The following SNX14 variants were observed in gnomAD, a reference collection of about 807,000 sequenced individuals.
SNX14 encodes the protein sorting nexin 14.
In SNX14, 93 loss-of-function variants were observed where a neutral mutation model predicts 133.8. The observed-to-expected ratio is 0.70, with a 90% confidence interval of 0.59 to 0.83. The LOEUF (loss-of-function observed/expected upper bound fraction) is 0.83, where lower values mean the gene tolerates loss of function less well. SNX14 is among the 40% of genes least tolerant of loss of function. SNX14 has a pLI of 0.00. For missense variants in SNX14, 945 were observed against 1,094.9 expected (o/e 0.86, Z 1.93); for synonymous variants, 368 against 365.6 (o/e 1.01, Z -0.07).
At chr6:85,508,142 CCT>C (rs1562166011) in intron 26 of SNX14, 83 bp from the exon 27 acceptor site, 2 of 1,501,546 alleles carry the variant, frequency 1.3e-6, no homozygotes, top group African/African-American at 1.4e-5. Flanking sequence ...AAATCACCAC[CCT>C]GTTTCCCAGA....
At chr6:85,529,894 G>A (rs1236220632) in intron 19 of SNX14, among the ~76,000 whole-genome samples, 1 of 151,726 alleles carries the variant, frequency 6.6e-6, no homozygotes, top group Non-Finnish European at 1.5e-5. Flanking sequence ...TGATGAGACA[G>A]GAAGAACGAA....
intron 1 of SNX14, chr6:85,588,876 T>C (rs777579608): frequency 2.2e-6 from 1 of 454,950 alleles, no homozygotes. Flanking sequence ...TAAGTGGAAG[T>C]GGATTATCAC....
intron 1 of SNX14, chr6:85,581,710 G>A (rs1329401326): frequency 6.6e-6 from 1 of 152,142 alleles, no homozygotes; most frequent in Non-Finnish European, 1.5e-5. Context: ...CTGACATATA[G>A]AAGAATGCAT....
Position 85,514,109 on chromosome 6 carries a change from G to C in SNX14, c.2518C>G (p.Gln840Glu). 6.2e-7 allele frequency: 1 copy of C among 1,613,676 alleles called. No homozygotes were observed. Among genetic ancestry groups the C allele is most frequent in the Non-Finnish European group, 8.5e-7 (1 of 1,179,866 alleles). Residue 840 changes from glutamine (Q) to glutamate (E), a missense_variant, in exon 25 of 29, where the codon CAG (glutamine) becomes GAG (glutamate). By Grantham distance (29) the Gln-to-Glu change is conservative. Around this residue, in one of 3 missense-constraint regions of SNX14, gnomAD observed 412 missense variants for 516.6 expected, o/e 0.80. Transcript: ENST00000314673. ...ATGAGTGAGACCAAACGGTGCTCCT[G>C]AAATAGCTGTTCTAGTTTACACTGA... The part of the protein sequence containing the change: ...YLQCKLEQLF[Q>E]EHRLVSLITL...
At chr6:85,512,822 G>T (rs879634330) in intron 26 of SNX14, among the ~76,000 whole-genome samples, 4 of 152,074 alleles carry the variant, frequency 2.6e-5, no homozygotes, top group African/African-American at 9.7e-5. Context: ...TCCAACCTTG[G>T]GGGGCAGTGG....
chr6:85,589,846 A>G (rs935855950), intron 1 of SNX14, among the ~76,000 whole-genome samples: 19 of 152,156 alleles, frequency 1.2e-4, no homozygotes, highest in African/African-American at 3.4e-4. Context: ...AATCCTTCCA[A>G]ACTTTCATGA....
Position 85,528,315 on chromosome 6 carries a change from TG to T in SNX14, c.1941del (p.Asn649IlefsTer5). On this transcript the variant is annotated frameshift_variant, in exon 20 of 29. Coordinates refer to ENST00000314673, the MANE Select transcript of SNX14 (RefSeq NM_153816.6). LOFTEE classifies it high-confidence loss of function. Reference sequence around the variant, plus strand: ...TTTGACTTTAAGAATTCATAATTTTTGGGGCCAATGATCCTCTTAGAAGGAA... The same window carrying T: ...TTTGACTTTAAGAATTCATAATTTTTGGGCCAATGATCCTCTTAGAAGGAA... ...AQLPSKRIIGPKNYEFLKSKR... is the reference protein window; with the variant it reads ...AQLPSKRIIGXKNYEFLKSKR... The T allele has an allele frequency of 1.9e-6, 3 of 1,613,392 alleles. No individual in the cohort carries two copies. Among genetic ancestry groups the T allele is most frequent in the Non-Finnish European group, 2.5e-6 (3 of 1,179,622 alleles).
At chr6:85,529,705 C>T (rs961925033) in intron 19 of SNX14, among the ~76,000 whole-genome samples, 1 of 152,126 alleles carries the variant, frequency 6.6e-6, no homozygotes, top group Non-Finnish European at 1.5e-5. Context: ...GGGACAGGAA[C>T]GTTCCTTACC....
intron 26 of SNX14, among the ~76,000 whole-genome samples, chr6:85,511,451 T>C (rs1013193209): frequency 2.0e-5 from 3 of 152,238 alleles, no homozygotes; most frequent in African/African-American, 7.2e-5. Context: ...AGTACAATGT[T>C]GAAAGCAGTA....
At chr6:85,520,405 T>C (rs1182378398) in intron 21 of SNX14, among the ~76,000 whole-genome samples, 1 of 151,650 alleles carries the variant, frequency 6.6e-6, no homozygotes, top group Non-Finnish European at 1.5e-5. Context: ...TTGCCCAGGC[T>C]GGAGTGCAGT....
At chr6:85,555,029 C>G (rs2128126529) in intron 7 of SNX14, among the ~76,000 whole-genome samples, 1 of 152,032 alleles carries the variant, frequency 6.6e-6, no homozygotes, top group Non-Finnish European at 1.5e-5. Flanking sequence ...ACTATGTTGC[C>G]CAGGCTTGTG....
chr6:85,538,391 C>T (rs1782589738), intron 16 of SNX14, among the ~76,000 whole-genome samples: 1 of 152,000 alleles, frequency 6.6e-6, no homozygotes, highest in Non-Finnish European at 1.5e-5. Flanking sequence ...ATTCCAGTCT[C>T]TACAACATGG....
intron 17 of SNX14, among the ~76,000 whole-genome samples, chr6:85,535,748 T>G (rs1182166426): frequency 6.6e-6 from 1 of 152,140 alleles, no homozygotes; most frequent in African/African-American, 2.4e-5. Context: ...TCAGTGACCC[T>G]TACATGAAGG....
chr6:85,571,777 T>TG (rs1243131285), intron 4 of SNX14, among the ~76,000 whole-genome samples: 1 of 152,192 alleles, frequency 6.6e-6, no homozygotes, highest in Non-Finnish European at 1.5e-5. Context: ...GTGTCAAAAC[T>TG]GGGGTCATAA....
At chr6:85,514,455 CAGA>C (rs778646677) in intron 24 of SNX14, 48 bp downstream of exon 24, 47 of 1,591,720 alleles carry the variant, frequency 3.0e-5, no homozygotes, top group Admixed American at 2.3e-4. Context: ...ATTTGCATCA[CAGA>C]AGAAGTAAGA....
At chr6:85,589,004 C>A in intron 1 of SNX14, 1 of 419,740 alleles carries the variant, frequency 2.4e-6, no homozygotes, top group South Asian at 1.7e-5. Flanking sequence ...GTGGCAGGCA[C>A]ACTCGACTTT....
chr6:85,563,523 C>G (rs1792533950), intron 6 of SNX14, among the ~76,000 whole-genome samples: 1 of 152,124 alleles, frequency 6.6e-6, no homozygotes, highest in South Asian at 2.1e-4. Context: ...TCCTGAGTAG[C>G]TGGTATTACA....
chr6:85,589,067 A>C, intron 1 of SNX14: 1 of 357,794 alleles, frequency 2.8e-6, no homozygotes. Flanking sequence ...ATTTCTCTAA[A>C]AACATTTTTA....
chr6:85,560,061 A>G (rs959527794), intron 6 of SNX14, among the ~76,000 whole-genome samples: 11 of 152,324 alleles, frequency 7.2e-5, no homozygotes, highest in African/African-American at 2.6e-4. Flanking sequence ...TGGTGGAGCC[A>G]CTTTGGAAAA....
Sources: gnomAD v4.1 joint callset for allele counts (sites outside exome capture counted in the v4.1 genomes callset) on GRCh38, gnomAD v4.1.1 for gene constraint, gnomAD v4.1.1 regional missense constraint, MANE v1.5 for transcripts, NCBI Gene and HGNC (gene_info 2026-07-23, HGNC 2026-07-21) for gene names.